The following KIF24 variants were observed in gnomAD, a reference collection of about 807,000 sequenced individuals.
The protein encoded by KIF24 is kinesin family member 24, also known as kinesin-like protein KIF24.
KIF24 carries 81 observed loss-of-function variants against 118.9 expected under a neutral mutation model. That is an observed-to-expected ratio of 0.68 (90% CI 0.57 to 0.82). KIF24 has a LOEUF of 0.82. KIF24 is among the 40% of genes least tolerant of loss of function. The pLI, the probability that KIF24 is intolerant of heterozygous loss-of-function variation, is 0.00. For missense variants in KIF24, 1,560 were observed against 1,661.6 expected (o/e 0.94, Z 1.06); for synonymous variants, 599 against 610.0 (o/e 0.98, Z 0.27).
intron 7 of KIF24, 55 bp downstream of exon 7, chr9:34,271,754 A>T: frequency 1.3e-6 from 2 of 1,593,972 alleles, no homozygotes; most frequent in Non-Finnish European, 1.7e-6. Flanking sequence ...AACATACTTC[A>T]AAGTCACATT....
intron 3 of KIF24, among the ~76,000 whole-genome samples, chr9:34,297,911 C>G (rs920542545): frequency 6.6e-6 from 1 of 152,146 alleles, no homozygotes; most frequent in African/African-American, 2.4e-5. Flanking sequence ...AGGATATAGA[C>G]ATTACCCTAG....
At position 34,288,576 on chromosome 9, in the gene KIF24, C is replaced by T. The variant is rs183805773; in HGVS notation, c.1127+1598G>A. Among the ~76,000 whole-genome samples, 241 of 151,454 alleles carry T rather than the reference C, an allele frequency of 1.6e-3. 1 individual carries two copies. The highest frequency in any genetic ancestry group is 9.0e-3 in the South Asian group (43 of 4,766). On this transcript the variant is annotated intron_variant, in intron 5 of 12. Coordinates refer to ENST00000402558, the MANE Select transcript of KIF24 (RefSeq NM_194313.4). ...TCAATGGACCAGAACATTTCAGAAG[C>T]CCCAGAAAGGTAGGAAATAGATTAG... is the stretch of plus-strand genomic sequence containing the variant.
At chr9:34,331,819 A>G (rs1205229787), upstream of KIF24, among the ~76,000 whole-genome samples, 1 of 152,224 alleles carries the variant, frequency 6.6e-6, no homozygotes, top group Non-Finnish European at 1.5e-5. Flanking sequence ...ACTTGTCCCA[A>G]ACAAATGCTT....
chr9:34,302,185 G>A (rs938239343), intron 3 of KIF24, among the ~76,000 whole-genome samples: 6 of 151,762 alleles, frequency 4.0e-5, no homozygotes, highest in Admixed American at 2.6e-4. Flanking sequence ...TAGTAGAGAC[G>A]AGGTTTCACT....
intron 6 of KIF24, among the ~76,000 whole-genome samples, chr9:34,282,924 A>G (rs1471036844): frequency 6.6e-6 from 1 of 151,506 alleles, no homozygotes; most frequent in Non-Finnish European, 1.5e-5. Flanking sequence ...TGGTGGCAGG[A>G]GCCTGTAATC....
chr9:34,252,933 A>G lies in KIF24; in HGVS notation c.*1447T>C, dbSNP rs1834659482. ...CAGTGGTGCTGTTGTATATGATGAT[A>G]GAATAGGGTTCATTCCTAAAGTAAG... On this transcript the variant is annotated 3_prime_UTR_variant, in exon 13 of 13. Transcript: ENST00000402558. The G allele has an allele frequency of 6.6e-6, 1 of 152,262 alleles. No individual in the cohort carries two copies. The highest frequency in any genetic ancestry group is 2.1e-4 in the South Asian group (1 of 4,830). The allele number at this position is 152,262 out of a possible 1,614,324, so 9.4% of individuals were successfully genotyped here.
rs979999436 is a variant in KIF24, at chr9:34,307,086, T to C, written c.624-645A>G. On this transcript the variant is annotated intron_variant, in intron 2 of 12. Transcript: ENST00000402558. Reference sequence around the variant, plus strand: ...CTGGCTGCTGAAAAAAAATTTTTTTTGAGATAGGATCTCACTCTGTCACCC... The same window carrying C: ...CTGGCTGCTGAAAAAAAATTTTTTTCGAGATAGGATCTCACTCTGTCACCC... 4.6e-5 allele frequency among the ~76,000 whole-genome samples: 7 copies of C among 152,324 alleles called. No homozygotes were observed. The East Asian group carries it at 1.2e-3, about 25-fold the overall frequency.
chr9:34,263,537 T>C (rs940941450), intron 8 of KIF24, among the ~76,000 whole-genome samples: 3 of 152,204 alleles, frequency 2.0e-5, no homozygotes, highest in Admixed American at 2.0e-4. Context: ...TCTTCCCAAC[T>C]GTTGATGCAC....
intron 5 of KIF24, among the ~76,000 whole-genome samples, chr9:34,287,552 A>C (rs1057261384): frequency 1.2e-4 from 18 of 152,218 alleles, no homozygotes; most frequent in African/African-American, 4.3e-4. Flanking sequence ...GATTAGGGTT[A>C]AGAACGGAAT....
chr9:34,254,534 A>G lies in KIF24; in HGVS notation c.3967-14T>C. 2.5e-6 allele frequency: 4 copies of G among 1,612,354 alleles called. No homozygotes were observed. Among genetic ancestry groups the G allele is most frequent in the Non-Finnish European group, 3.4e-6 (4 of 1,179,260 alleles). ...ATCTTCAAAATCCTGAGAAGGAAAC[A>G]AGGGACGAATACAGCTTTTGCTCTT... On this transcript the variant is annotated splice_polypyrimidine_tract_variant and intron_variant, in intron 12 of 12. Coordinates refer to ENST00000402558, the MANE Select transcript of KIF24 (RefSeq NM_194313.4).
At chr9:34,293,076 A>G (rs1836315043) in intron 4 of KIF24, among the ~76,000 whole-genome samples, 1 of 152,180 alleles carries the variant, frequency 6.6e-6, no homozygotes. Context: ...TGAACCTAAG[A>G]GATATTTCAC....
chr9:34,328,933 A>T (rs113337975), intron 1 of KIF24, among the ~76,000 whole-genome samples, 173 bp downstream of exon 1: 2 of 152,228 alleles, frequency 1.3e-5, no homozygotes, highest in African/African-American at 2.4e-5. Context: ...GGGATGAAAG[A>T]TAGGAAAGTA....
At chr9:34,330,261 C>T (rs1222849625), upstream of KIF24, among the ~76,000 whole-genome samples, 1 of 152,102 alleles carries the variant, frequency 6.6e-6, no homozygotes, top group African/African-American at 2.4e-5. Flanking sequence ...AAAAGTTAGC[C>T]AGGCGTCGTG....
chr9:34,257,572 T>C lies in KIF24; in HGVS notation c.2035A>G (p.Thr679Ala), dbSNP rs757135405. The C allele has an allele frequency of 6.2e-7, 1 of 1,614,060 alleles. No homozygotes were observed. Among genetic ancestry groups the C allele is most frequent in the Non-Finnish European group, 8.5e-7 (1 of 1,179,884 alleles). ...GCCCTGCTTTCCCACCCAAGGACAG[T>C]TTTGTTGCCCATTCGATTTTTCTCA... ...CSEKNRMGNK[T>A]VLGWESRASG... The change falls in exon 11 of 13, where the codon ACT becomes GCT. Residue 679 changes from threonine to alanine, a missense_variant. Thr to Ala is a moderately conservative substitution (Grantham distance 58, BLOSUM62 0). Around this residue, in one of 3 missense-constraint regions of KIF24, gnomAD observed 964 missense variants for 988.0 expected, o/e 0.98. Transcript: ENST00000402558.
intron 1 of KIF24, chr9:34,319,305 C>G: frequency 1.0e-6 from 1 of 969,574 alleles, no homozygotes; most frequent in Admixed American, 1.7e-5. Context: ...AGAAGCCTGT[C>G]GCCATCTCCT....
intron 5 of KIF24, among the ~76,000 whole-genome samples, chr9:34,288,225 C>T (rs1002598612): frequency 7.2e-4 from 109 of 150,782 alleles, no homozygotes; most frequent in African/African-American, 2.4e-3. Flanking sequence ...GTGGCTGAAA[C>T]CTGTAATCCT....
chr9:34,305,551 A>G (rs529313250), intron 3 of KIF24, among the ~76,000 whole-genome samples: 133 of 152,340 alleles, frequency 8.7e-4, no homozygotes, highest in African/African-American at 3.0e-3. Flanking sequence ...TCTCATAGTC[A>G]TATATTCAGT....
chr9:34,314,087 T>C (rs1173023246), intron 1 of KIF24, among the ~76,000 whole-genome samples: 2 of 152,010 alleles, frequency 1.3e-5, no homozygotes. Flanking sequence ...CATTCCATTT[T>C]ACAATGTTGA....
Position 34,318,631 on chromosome 9 carries a change from G to T in KIF24, c.-25-7260C>A. On this transcript the variant is annotated intron_variant, in intron 1 of 12. Transcript: ENST00000402558. This position sits in a 1 kb window ranked among gnomAD's most constrained non-coding sequence, Gnocchi z 4.9. Reference sequence around the variant, plus strand: ...TGGTGTCGCCCGTGGTGGTGGCCTCGTCGTTGGGGCTCGTGTCGCTGGGCG... The same window carrying T: ...TGGTGTCGCCCGTGGTGGTGGCCTCTTCGTTGGGGCTCGTGTCGCTGGGCG... 1 of 1,531,804 alleles carries T rather than the reference G, an allele frequency of 6.5e-7. No individual in the cohort carries two copies. Among genetic ancestry groups the T allele is most frequent in the Non-Finnish European group, 8.9e-7 (1 of 1,124,530 alleles). 94.9% of individuals were successfully genotyped at this position (1,531,804 alleles called of 1,614,324 possible).
Sources: allele counts gnomAD v4.1 joint callset (sites outside exome capture counted in the v4.1 genomes callset), GRCh38; gene constraint gnomAD v4.1.1; regional missense constraint gnomAD v4.1.1; non-coding constraint Gnocchi (gnomAD v3.1); transcripts MANE v1.5; gene names NCBI Gene and HGNC (gene_info 2026-07-23, HGNC 2026-07-21).